The following GALNT17 variants were observed in gnomAD, a reference collection of about 807,000 sequenced individuals.
GALNT17 encodes UDP-GalNAc:polypeptide N-acetylgalactosaminyltransferase-like 3.
Under a neutral mutation model 63.7 loss-of-function variants are expected in GALNT17, and 29 were observed. The observed-to-expected ratio is 0.46, with a 90% CI of 0.34 to 0.62. The LOEUF is 0.62. Among genes scored for constraint, GALNT17 ranks in the 20% least tolerant of loss-of-function variants. GALNT17 has a pLI of 0.01. For synonymous variants in GALNT17, 305 were observed against 318.3 expected (o/e 0.96, Z 0.45); for missense variants, 603 against 799.6 (o/e 0.75, Z 2.97).
rs182104418 is a variant in GALNT17, at chr7:71,427,035, G to A, written c.962+5930G>A. 2.8e-4 allele frequency among the ~76,000 whole-genome samples: 43 copies of A among 151,376 alleles called. No individual in the cohort carries two copies. The South Asian group carries it at 3.8e-3, about 13-fold the overall frequency. Reference sequence around the variant, plus strand: ...TATACCAATTATTATTAGATTTACCGTTTATTGAATGCATATTGAGGACTT... The same window carrying A: ...TATACCAATTATTATTAGATTTACCATTTATTGAATGCATATTGAGGACTT... On this transcript the variant is annotated intron_variant, in intron 5 of 10. Coordinates refer to ENST00000333538, the MANE Select transcript of GALNT17 (RefSeq NM_022479.3).
intron 1 of GALNT17, among the ~76,000 whole-genome samples, chr7:71,334,674 C>T (rs1791867052): frequency 6.6e-6 from 1 of 152,178 alleles, no homozygotes; most frequent in South Asian, 2.1e-4. Context: ...TGCAATTGCT[C>T]AGTGAGGCTT....
At chr7:71,504,552 T>C (rs1045906772) in intron 5 of GALNT17, among the ~76,000 whole-genome samples, 1 of 145,862 alleles carries the variant, frequency 6.9e-6, no homozygotes, top group Non-Finnish European at 1.5e-5. Context: ...TTGCATATTT[T>C]AATTAGTTTA....
At chr7:71,682,069 G>T (rs910568847) in intron 9 of GALNT17, among the ~76,000 whole-genome samples, 1 of 152,076 alleles carries the variant, frequency 6.6e-6, no homozygotes, top group Non-Finnish European at 1.5e-5. Flanking sequence ...TGGGATTACA[G>T]GCGCCCACCA....
At chr7:71,432,011 C>T (rs1026488765) in intron 5 of GALNT17, among the ~76,000 whole-genome samples, 1 of 152,090 alleles carries the variant, frequency 6.6e-6, no homozygotes, top group African/African-American at 2.4e-5. Flanking sequence ...TGTGTCTCTA[C>T]TAAAAATACA....
intron 6 of GALNT17, among the ~76,000 whole-genome samples, chr7:71,608,548 A>T (rs1338725582): frequency 6.6e-6 from 1 of 152,200 alleles, no homozygotes; most frequent in Non-Finnish European, 1.5e-5. Flanking sequence ...GAGCTCTGCT[A>T]TTGTAACAGC....
At chr7:71,488,123 T>G (rs7791088) in intron 5 of GALNT17, among the ~76,000 whole-genome samples, 148,632 of 150,804 alleles carry the variant, frequency 0.99, 73,277 homozygotes, top group East Asian at 1. Context: ...AGCTATGATT[T>G]TGTCACTACA....
intron 9 of GALNT17, among the ~76,000 whole-genome samples, chr7:71,700,025 C>A (rs755083064): frequency 2.6e-5 from 4 of 151,890 alleles, no homozygotes; most frequent in Non-Finnish European, 5.9e-5. Context: ...GGCACAGTGG[C>A]TCACACCTGT....
Position 71,234,246 on chromosome 7 carries a change from T to C in GALNT17, c.238+101206T>C, listed in dbSNP as rs900210866. 5.3e-5 allele frequency among the ~76,000 whole-genome samples: 8 copies of C among 152,090 alleles called. No homozygotes were observed. The South Asian group carries it at 1.5e-3, about 28-fold the overall frequency. ...AGTTTCTGAGCTATCTGTAAGGACA[T>C]TGCATTTAATTTTATAAGTTTATTT... On this transcript the variant is annotated intron_variant, in intron 1 of 10. Transcript: ENST00000333538.
At chr7:71,518,623 T>A (rs930481248) in intron 5 of GALNT17, among the ~76,000 whole-genome samples, 1 of 152,240 alleles carries the variant, frequency 6.6e-6, no homozygotes, top group African/African-American at 2.4e-5. Context: ...AACTTCAGAA[T>A]AGCCGTATAG....
At chr7:71,536,935 A>G (rs764527226) in intron 5 of GALNT17, among the ~76,000 whole-genome samples, 22 of 152,148 alleles carry the variant, frequency 1.4e-4, no homozygotes, top group Non-Finnish European at 2.5e-4. Flanking sequence ...GCCCCTGCAC[A>G]GGGACCTGTC....
chr7:71,544,331 ACGGG>A (rs1426932260), intron 5 of GALNT17, among the ~76,000 whole-genome samples: 2 of 137,270 alleles, frequency 1.5e-5, no homozygotes, highest in African/African-American at 5.5e-5. Context: ...TTTAGTAGAG[ACGGG>A]GTTTCACTGT....
chr7:71,580,604 G>A lies in GALNT17; in HGVS notation c.1080+9202G>A, dbSNP rs114948700. Among the ~76,000 whole-genome samples the A allele has an allele frequency of 2.7e-3, 406 of 152,284 alleles. 2 individuals are homozygous for A. Among genetic ancestry groups the A allele is most frequent in the African/African-American group, 9.5e-3 (395 of 41,564 alleles). ...CGTACACTCAGGAAAAGCTGGTGAG[G>A]AGGGGCTTGACCTATATGGTTGTGA... On this transcript the variant is annotated intron_variant, in intron 6 of 10. Coordinates refer to ENST00000333538, the MANE Select transcript of GALNT17 (RefSeq NM_022479.3).
chr7:71,133,158 C>A, intron 1 of GALNT17, 118 bp downstream of exon 1: 1 of 884,314 alleles, frequency 1.1e-6, no homozygotes, highest in Non-Finnish European at 1.6e-6. Context: ...CTGGCTCCCG[C>A]GCGCTCCTTC....
chr7:71,664,808 T>C (rs1790959445), intron 6 of GALNT17, among the ~76,000 whole-genome samples: 1 of 152,170 alleles, frequency 6.6e-6, no homozygotes. Flanking sequence ...TGTGTTGCCA[T>C]GGGCAGCTTA....
intron 1 of GALNT17, among the ~76,000 whole-genome samples, chr7:71,303,810 C>A (rs1791242370): frequency 6.6e-6 from 1 of 152,026 alleles, no homozygotes; most frequent in East Asian, 1.9e-4. Context: ...GAGATTAGCC[C>A]TTTGAATTTC....
intron 2 of GALNT17, among the ~76,000 whole-genome samples, chr7:71,374,445 A>G (rs1792683453): frequency 6.6e-6 from 1 of 152,228 alleles, no homozygotes; most frequent in Non-Finnish European, 1.5e-5. Context: ...TTTCAGGACC[A>G]GTGGGCTAGC....
At chr7:71,409,415 A>G (rs1192390706) in intron 3 of GALNT17, among the ~76,000 whole-genome samples, 1 of 152,172 alleles carries the variant, frequency 6.6e-6, no homozygotes, top group Non-Finnish European at 1.5e-5. Flanking sequence ...CTTACTGGTG[A>G]TTCGGATGCA....
intron 9 of GALNT17, among the ~76,000 whole-genome samples, chr7:71,704,746 G>A (rs2191744): frequency 1.3e-5 from 2 of 151,866 alleles, no homozygotes; most frequent in Non-Finnish European, 2.9e-5. Flanking sequence ...TTTGACAAGA[G>A]TGACAAGACA....
intron 8 of GALNT17, 140 bp downstream of exon 8, chr7:71,670,249 C>T (rs1791048750): frequency 4.3e-6 from 5 of 1,169,066 alleles, no homozygotes; most frequent in South Asian, 1.3e-5. Flanking sequence ...GCAAGATTCT[C>T]TCTAGCTGGG....
Sources: allele counts gnomAD v4.1 joint callset (sites outside exome capture counted in the v4.1 genomes callset), GRCh38; gene constraint gnomAD v4.1.1; transcripts MANE v1.5; gene names NCBI Gene and HGNC (gene_info 2026-07-23, HGNC 2026-07-21).